The following MYRIP variants were observed in gnomAD, a reference collection of about 807,000 sequenced individuals.
MYRIP encodes rab effector MyRIP.
Under a neutral mutation model 98.0 loss-of-function variants are expected in MYRIP, and 49 were observed. That is an observed-to-expected ratio of 0.50 (90% CI 0.40 to 0.63). MYRIP has a LOEUF of 0.63. Among genes scored for constraint, MYRIP ranks in the 30% least tolerant of loss-of-function variants. The pLI is 0.00. For missense variants in MYRIP, 1,004 were observed against 1,058.2 expected (o/e 0.95, Z 0.71); for synonymous variants, 404 against 409.5 (o/e 0.99, Z 0.16).
At chr3:39,842,574 C>T (rs1415802411) in intron 1 of MYRIP, among the ~76,000 whole-genome samples, 2 of 152,168 alleles carry the variant, frequency 1.3e-5, no homozygotes, top group African/African-American at 4.8e-5. Flanking sequence ...GGTTGAAACC[C>T]AGGGCCCTGG....
At chr3:40,093,300 G>A (rs907596497) in intron 3 of MYRIP, among the ~76,000 whole-genome samples, 2 of 152,140 alleles carry the variant, frequency 1.3e-5, no homozygotes, top group Admixed American at 6.6e-5. Flanking sequence ...TGCAAACAGC[G>A]TGAAATTTAT....
intron 8 of MYRIP, 80 bp downstream of exon 8, chr3:40,170,173 G>A: frequency 1.3e-6 from 2 of 1,533,808 alleles, no homozygotes; most frequent in Non-Finnish European, 1.8e-6. Context: ...AGTTGAATCA[G>A]GTGGCCACTG....
At chr3:39,953,186 G>A (rs780507702) in intron 2 of MYRIP, among the ~76,000 whole-genome samples, 10 of 152,142 alleles carry the variant, frequency 6.6e-5, no homozygotes, top group Non-Finnish European at 1.3e-4. Context: ...GCTGGCAGGT[G>A]TTGGGGATGT....
At chr3:40,022,516 GTCA>G (rs1425540173) in intron 2 of MYRIP, among the ~76,000 whole-genome samples, 1 of 152,168 alleles carries the variant, frequency 6.6e-6, no homozygotes, top group Admixed American at 6.6e-5. Flanking sequence ...GCACAAAGGA[GTCA>G]TCATCAAATG....
At chr3:39,989,991 G>A (rs182284160) in intron 2 of MYRIP, among the ~76,000 whole-genome samples, 221 of 152,310 alleles carry the variant, frequency 1.5e-3, no homozygotes, top group East Asian at 6.4e-3. Flanking sequence ...GAGTCCAAAC[G>A]GCTTAGACAG....
At chr3:39,907,677 A>T (rs1943910931) in intron 2 of MYRIP, among the ~76,000 whole-genome samples, 1 of 152,122 alleles carries the variant, frequency 6.6e-6, no homozygotes. Context: ...GCCTAGTATT[A>T]CTCTAAGTAA....
chr3:40,035,325 C>T (rs1033579211), intron 2 of MYRIP, among the ~76,000 whole-genome samples: 5 of 151,962 alleles, frequency 3.3e-5, no homozygotes, highest in South Asian at 2.1e-4. Context: ...GTATAAGTCA[C>T]GTAGTAATGG....
intron 1 of MYRIP, among the ~76,000 whole-genome samples, chr3:39,836,207 C>G (rs113338011): frequency 0.082 from 12,418 of 152,202 alleles, 569 homozygotes; most frequent in African/African-American, 0.12. Context: ...TACACTCTCA[C>G]CAACAGTGTA....
intron 3 of MYRIP, among the ~76,000 whole-genome samples, chr3:40,117,420 G>C (rs1949308471): frequency 6.6e-6 from 1 of 152,166 alleles, no homozygotes; most frequent in Non-Finnish European, 1.5e-5. Flanking sequence ...TCTGTAGCTT[G>C]AGGCAACCTT....
chr3:40,056,118 GT>G (rs1206013480), intron 3 of MYRIP, among the ~76,000 whole-genome samples: 3 of 152,204 alleles, frequency 2.0e-5, no homozygotes, highest in Non-Finnish European at 4.4e-5. Flanking sequence ...AGCTTGTGTG[GT>G]TCTTTGAAGA....
chr3:39,985,919 C>G (rs1946020388), intron 2 of MYRIP, among the ~76,000 whole-genome samples: 1 of 151,720 alleles, frequency 6.6e-6, no homozygotes. Context: ...ATGTCTAAAA[C>G]ACCAAAAGCA....
At chr3:40,092,463 G>A (rs1948750210) in intron 3 of MYRIP, among the ~76,000 whole-genome samples, 1 of 152,116 alleles carries the variant, frequency 6.6e-6, no homozygotes, top group Admixed American at 6.5e-5. Context: ...GCTGATGGAG[G>A]GGCATTCAGG....
chr3:39,913,146 T>G (rs1214235886), intron 2 of MYRIP, among the ~76,000 whole-genome samples: 1 of 152,020 alleles, frequency 6.6e-6, no homozygotes. Context: ...AAAATACACA[T>G]GGAGAGTCAT....
At chr3:39,997,405 C>G (rs540251612) in intron 2 of MYRIP, among the ~76,000 whole-genome samples, 1 of 152,122 alleles carries the variant, frequency 6.6e-6, no homozygotes, top group African/African-American at 2.4e-5. Context: ...ACTATAAACA[C>G]CTCTATGCAA....
intron 3 of MYRIP, among the ~76,000 whole-genome samples, chr3:40,064,152 C>T (rs1186396604): frequency 6.6e-6 from 1 of 152,012 alleles, no homozygotes; most frequent in African/African-American, 2.4e-5. Flanking sequence ...TCAACATTCT[C>T]CACCTTATTA....
At chr3:39,876,437 C>T (rs1441848416) in intron 1 of MYRIP, among the ~76,000 whole-genome samples, 1 of 152,130 alleles carries the variant, frequency 6.6e-6, no homozygotes, top group Non-Finnish European at 1.5e-5. Flanking sequence ...TTCCTAGCCT[C>T]GATGGTCTTT....
chr3:40,045,754 A>T (rs896570504), intron 3 of MYRIP, among the ~76,000 whole-genome samples: 1 of 152,174 alleles, frequency 6.6e-6, no homozygotes, highest in Non-Finnish European at 1.5e-5. Context: ...CAATCTTCCC[A>T]CAGATTGGGA....
chr3:39,888,623 G>C (rs982491814), intron 1 of MYRIP, among the ~76,000 whole-genome samples: 24 of 152,276 alleles, frequency 1.6e-4, no homozygotes, highest in Non-Finnish European at 2.5e-4. Flanking sequence ...GCATGAGCAA[G>C]GACTTCATGT....
Position 39,992,493 on chromosome 3 carries a change from A to T in MYRIP, c.111-51557A>T, listed in dbSNP as rs1279696338. Among the ~76,000 whole-genome samples the T allele has an allele frequency of 3.9e-5, 6 of 152,154 alleles. No homozygotes were observed. The East Asian group carries it at 9.6e-4, about 24-fold the overall frequency. On this transcript the variant is annotated intron_variant, in intron 2 of 16. Transcript: ENST00000302541. ...TGGCTCTTTATTCTCTTTCCAATTTAACTCTGGACTTATTCCAGACCAGAA... is the reference window on the plus strand; with the variant it reads ...TGGCTCTTTATTCTCTTTCCAATTTTACTCTGGACTTATTCCAGACCAGAA...
Sources: allele counts gnomAD v4.1 joint callset (sites outside exome capture counted in the v4.1 genomes callset), GRCh38; gene constraint gnomAD v4.1.1; transcripts MANE v1.5; gene names NCBI Gene and HGNC (gene_info 2026-07-23, HGNC 2026-07-21).